NRCAM: variants seen among roughly 807,000 people sequenced by gnomAD.
NRCAM encodes NgCAM-related cell adhesion molecule.
Under a neutral mutation model 156.5 loss-of-function variants are expected in NRCAM, and 83 were observed. The ratio of observed to expected loss-of-function variants is 0.53; its 90% confidence interval spans 0.44 to 0.64. The LOEUF (loss-of-function observed/expected upper bound fraction) is 0.64, where lower values mean the gene tolerates loss of function less well. Among genes scored for constraint, NRCAM ranks in the 30% least tolerant of loss-of-function variants. The probability of loss-of-function intolerance (pLI) is 0.00; values close to 1 mark genes in which losing one functional copy is unlikely to be tolerated. For missense variants in NRCAM, 1,417 were observed against 1,597.3 expected (o/e 0.89, Z 1.92); for synonymous variants, 538 against 563.9 (o/e 0.95, Z 0.65).
At chr7:108,209,931 G>A (rs1267634504) in intron 11 of NRCAM, among the ~76,000 whole-genome samples, 1 of 152,132 alleles carries the variant, frequency 6.6e-6, no homozygotes, top group East Asian at 1.9e-4. Context: ...ATTTTTACAT[G>A]AAGCTACTAT....
At chr7:108,220,482 A>G (rs1395394008) in intron 11 of NRCAM, among the ~76,000 whole-genome samples, 1 of 152,242 alleles carries the variant, frequency 6.6e-6, no homozygotes, top group Non-Finnish European at 1.5e-5. Context: ...ACAGCTTGAT[A>G]CTGGTATAAA....
chr7:108,281,398 A>C (rs941050038), intron 3 of NRCAM, among the ~76,000 whole-genome samples: 1 of 152,100 alleles, frequency 6.6e-6, no homozygotes, highest in Non-Finnish European at 1.5e-5. Flanking sequence ...AGATAACAGG[A>C]GACTGTGCCA....
Position 108,182,715 on chromosome 7 carries a change from A to C in NRCAM, c.2510T>G (p.Met837Arg), listed in dbSNP as rs748645606. 6.2e-7 allele frequency: 1 copy of C among 1,614,230 alleles called. No homozygotes were observed. Among genetic ancestry groups the C allele is most frequent in the Non-Finnish European group, 8.5e-7 (1 of 1,180,032 alleles). ...CTTACGGTCTTCTCCAGAATGTCCC[A>C]TGACTACAGCTGGCTCGGGGGCAAA... ...MGFAPEPAVVMGHSGEDLPMV... is the reference protein window; with the variant it reads ...MGFAPEPAVVRGHSGEDLPMV... The change falls in exon 23 of 33, where the codon ATG (methionine) becomes AGG (arginine). Residue 837 changes from methionine (M) to arginine (R), a missense_variant. Met to Arg is a moderately conservative substitution (Grantham distance 91, BLOSUM62 -1). This residue lies in a region of NRCAM where 1,238 missense variants were observed against 1,336.4 expected (regional missense o/e 0.93). Coordinates refer to ENST00000379028, the MANE Select transcript of NRCAM (RefSeq NM_001037132.4).
intron 5 of NRCAM, among the ~76,000 whole-genome samples, chr7:108,237,269 A>G (rs750664213): frequency 1.3e-5 from 2 of 152,208 alleles, no homozygotes; most frequent in African/African-American, 2.4e-5. Context: ...TCGCTGGGTT[A>G]GTCTACTGAT....
At chr7:108,387,019 T>C (rs564729472) in intron 2 of NRCAM, among the ~76,000 whole-genome samples, 54 of 152,288 alleles carry the variant, frequency 3.5e-4, no homozygotes, top group African/African-American at 1.2e-3. Flanking sequence ...ACTATCTTCC[T>C]TCTTTAATGT....
chr7:108,362,968 C>A (rs1420223082), intron 2 of NRCAM, among the ~76,000 whole-genome samples: 1 of 152,026 alleles, frequency 6.6e-6, no homozygotes, highest in Non-Finnish European at 1.5e-5. Flanking sequence ...AGGAAATGTG[C>A]AAGATGAGCC....
rs375828978 is a variant in NRCAM, at chr7:108,191,693, G to T, written c.1903+36C>A. ...ATTTTTTCTTTTCAACCAAATGCAG[G>T]GAAGCCAGTTGTGCTATTTTTGTTT... On this transcript the variant is annotated intron_variant, in intron 18 of 32. Coordinates refer to ENST00000379028, the MANE Select transcript of NRCAM (RefSeq NM_001037132.4). 2.2e-4 allele frequency: 342 copies of T among 1,550,840 alleles called. 1 individual carries two copies. The highest frequency in any genetic ancestry group is 1.8e-3 in the Admixed American group (91 of 50,490).
chr7:108,209,811 C>T (rs1302721918), intron 11 of NRCAM, among the ~76,000 whole-genome samples: 3 of 152,168 alleles, frequency 2.0e-5, no homozygotes, highest in African/African-American at 7.2e-5. Context: ...ATTGATGGCA[C>T]ACCATAAACT....
intron 2 of NRCAM, among the ~76,000 whole-genome samples, chr7:108,387,765 G>A (rs572121104): frequency 3.4e-5 from 5 of 146,090 alleles, no homozygotes; most frequent in African/African-American, 1.3e-4. Flanking sequence ...GTGTCCAAGT[G>A]TTCTCATTGT....
intron 30 of NRCAM, among the ~76,000 whole-genome samples, chr7:108,160,902 G>C (rs1359917657): frequency 1.3e-5 from 2 of 152,166 alleles, no homozygotes. Flanking sequence ...ACATCTAATT[G>C]AGTATTTTCT....
intron 3 of NRCAM, among the ~76,000 whole-genome samples, chr7:108,260,436 T>C (rs2096849097): frequency 6.6e-6 from 1 of 152,072 alleles, no homozygotes; most frequent in Non-Finnish European, 1.5e-5. Flanking sequence ...AGGGGAGAGA[T>C]GCTGGAAAGG....
intron 3 of NRCAM, among the ~76,000 whole-genome samples, chr7:108,280,323 CCT>C (rs1264727700): frequency 1.3e-5 from 2 of 151,926 alleles, no homozygotes; most frequent in African/African-American, 4.8e-5. Context: ...GAGGTAAAAG[CCT>C]CTCTTACTCC....
At chr7:108,234,953 A>G (rs751631969) in intron 5 of NRCAM, 2 of 580,884 alleles carry the variant, frequency 3.4e-6, no homozygotes, top group Non-Finnish European at 6.4e-6. Flanking sequence ...GGAAATAATT[A>G]TCAATACAAA....
chr7:108,156,966 A>C (rs544431168), intron 32 of NRCAM, among the ~76,000 whole-genome samples: 3 of 152,280 alleles, frequency 2.0e-5, no homozygotes, highest in Admixed American at 2.0e-4. Context: ...CAAAGGGAAA[A>C]CATTCTGAGG....
intron 2 of NRCAM, among the ~76,000 whole-genome samples, chr7:108,330,107 T>C (rs546176803): frequency 2.6e-5 from 4 of 152,314 alleles, no homozygotes; most frequent in African/African-American, 9.6e-5. Context: ...ATTTATAGTG[T>C]TACTCCTTTT....
Position 108,180,362 on chromosome 7 carries a change from G to A in NRCAM, c.2712C>T (p.Leu904=). 1 of 1,614,224 alleles carries A rather than the reference G, an allele frequency of 6.2e-7. No individual in the cohort carries two copies. Among genetic ancestry groups the A allele is most frequent in the Non-Finnish European group, 8.5e-7 (1 of 1,180,040 alleles). ...RNRRHIEKKI[L]TFQGSKTHGM... ...CATGAGTCTTGCTGCCTTGGAAGGT[G>A]AGGATCTTTTTCTCAATGTGACGTC... The change falls in exon 25 of 33, where the codon CTC becomes CTT. Residue 904 remains leucine, a synonymous_variant. Coordinates refer to ENST00000379028, the MANE Select transcript of NRCAM (RefSeq NM_001037132.4).
At chr7:108,180,551 A>T (rs2062878274) in intron 24 of NRCAM, 124 bp from the exon 25 acceptor site, 3 of 697,846 alleles carry the variant, frequency 4.3e-6, no homozygotes, top group Admixed American at 5.4e-5. Context: ...GAAAATTACT[A>T]GCAAAACTGA....
chr7:108,362,982 A>T (rs1021393322), intron 2 of NRCAM, among the ~76,000 whole-genome samples: 2 of 152,270 alleles, frequency 1.3e-5, no homozygotes, highest in South Asian at 2.1e-4. Context: ...ATGAGCCTGG[A>T]GCATCTTAAG....
intron 8 of NRCAM, among the ~76,000 whole-genome samples, chr7:108,230,095 C>T (rs1031543112): frequency 6.6e-6 from 1 of 152,146 alleles, no homozygotes; most frequent in African/African-American, 2.4e-5. Context: ...AAAAAACTAA[C>T]AGAAACATAA....
Sources: gnomAD v4.1 joint callset for allele counts (sites outside exome capture counted in the v4.1 genomes callset) on GRCh38, gnomAD v4.1.1 for gene constraint, gnomAD v4.1.1 regional missense constraint, MANE v1.5 for transcripts, NCBI Gene and HGNC (gene_info 2026-07-23, HGNC 2026-07-21) for gene names.